The following ADD3 variants were observed in gnomAD, a reference collection of about 807,000 sequenced individuals.
ADD3 encodes gamma-adducin.
Under a neutral mutation model 80.2 loss-of-function variants are expected in ADD3, and 25 were observed. The observed-to-expected ratio is 0.31, with a 90% CI of 0.23 to 0.44. The LOEUF (loss-of-function observed/expected upper bound fraction) is 0.44, where lower values mean the gene tolerates loss of function less well. Among genes scored for constraint, ADD3 ranks in the 20% least tolerant of loss-of-function variants. ADD3 has a pLI of 1.00. For synonymous variants in ADD3, 284 were observed against 289.6 expected, an observed-to-expected ratio of 0.98 and a Z score of 0.20; for missense variants, 829 against 847.5, an observed-to-expected ratio of 0.98 and a Z score of 0.27.
intron 1 of ADD3, among the ~76,000 whole-genome samples, chr10:110,059,490 C>T (rs552825709): frequency 2.7e-5 from 4 of 150,150 alleles, no homozygotes; most frequent in East Asian, 2.0e-4. Flanking sequence ...ATAAATAGGC[C>T]GGGTGCAGGT....
At chr10:110,130,205 T>G (rs1328441656) in intron 12 of ADD3, among the ~76,000 whole-genome samples, 158 bp from the exon 13 acceptor site, 1 of 152,202 alleles carries the variant, frequency 6.6e-6, no homozygotes, top group African/African-American at 2.4e-5. Flanking sequence ...TACAAGAGCA[T>G]TTTAAACAAA....
chr10:110,029,914 G>C (rs11194960), intron 1 of ADD3, among the ~76,000 whole-genome samples: 4 of 151,994 alleles, frequency 2.6e-5, no homozygotes, highest in East Asian at 3.9e-4. Flanking sequence ...GCCCAGACTC[G>C]TACTTTATTT....
At chr10:110,036,701 A>G (rs1855708147) in intron 1 of ADD3, among the ~76,000 whole-genome samples, 1 of 152,064 alleles carries the variant, frequency 6.6e-6, no homozygotes, top group Admixed American at 6.6e-5. Flanking sequence ...ATCACATTTC[A>G]ATATCTAAGT....
chr10:110,112,809 A>G lies in ADD3; in HGVS notation c.228A>G (p.Gln76=), dbSNP rs537446217. The G allele has an allele frequency of 1.5e-5, 24 of 1,614,146 alleles. No individual in the cohort carries two copies. The East Asian group carries it at 5.1e-4, about 34-fold the overall frequency. Residue 76 remains glutamine (Q), a synonymous_variant, in exon 3 of 15, where the codon CAA becomes CAG. Coordinates refer to ENST00000356080, the MANE Select transcript of ADD3 (RefSeq NM_016824.5). The stretch of plus-strand genomic sequence containing the variant: ...GGGAAGACTTGGAATGCCTTATTCA[A>G]GAACAGATGAAGAAAGGCCACAACC... ...AFREDLECLI[Q]EQMKKGHNPT...
At chr10:110,108,627 A>T (rs954051918) in intron 2 of ADD3, among the ~76,000 whole-genome samples, 17 of 152,164 alleles carry the variant, frequency 1.1e-4, no homozygotes, top group African/African-American at 3.6e-4. Flanking sequence ...TGATAAATTT[A>T]AAAAATCAGC....
At chr10:110,123,756 T>C in intron 9 of ADD3, 1 of 428,922 alleles carries the variant, frequency 2.3e-6, no homozygotes, top group Non-Finnish European at 4.3e-6. Flanking sequence ...GGTCAGCAAC[T>C]TAGAACTGTT....
At chr10:110,061,670 C>T (rs1858907047) in intron 1 of ADD3, among the ~76,000 whole-genome samples, 1 of 152,088 alleles carries the variant, frequency 6.6e-6, no homozygotes, top group Non-Finnish European at 1.5e-5. Flanking sequence ...TTTTGTATTG[C>T]TGTATTATCT....
chr10:110,118,764 A>G (rs763065953), intron 6 of ADD3, 28 bp downstream of exon 6: 1 of 1,603,950 alleles, frequency 6.2e-7, no homozygotes, highest in Non-Finnish European at 8.5e-7. Context: ...CAAAACTGAC[A>G]GGACGCTGGA....
At chr10:110,061,406 A>G (rs1158319187) in intron 1 of ADD3, among the ~76,000 whole-genome samples, 1 of 152,148 alleles carries the variant, frequency 6.6e-6, no homozygotes, top group Non-Finnish European at 1.5e-5. Flanking sequence ...ATGCTAATTG[A>G]TGTTGAAAGT....
chr10:110,098,473 G>A (rs1369100756), intron 1 of ADD3, among the ~76,000 whole-genome samples: 1 of 152,168 alleles, frequency 6.6e-6, no homozygotes, highest in African/African-American at 2.4e-5. Flanking sequence ...TTTCTGCAGT[G>A]CTGACATTGA....
chr10:110,047,819 T>TG (rs1415874007), intron 1 of ADD3, among the ~76,000 whole-genome samples: 1 of 152,230 alleles, frequency 6.6e-6, no homozygotes, highest in Non-Finnish European at 1.5e-5. Context: ...CAGAATATCT[T>TG]GGGAGTGTCT....
intron 1 of ADD3, among the ~76,000 whole-genome samples, chr10:110,077,286 C>T (rs1309132890): frequency 1.3e-5 from 2 of 151,318 alleles, no homozygotes; most frequent in East Asian, 3.8e-4. Flanking sequence ...TTTTAGTTCA[C>T]TTGTCTGCTT....
chr10:110,080,019 A>G (rs1845890590), intron 1 of ADD3, among the ~76,000 whole-genome samples: 1 of 152,196 alleles, frequency 6.6e-6, no homozygotes, highest in African/African-American at 2.4e-5. Flanking sequence ...TAGAACCCAG[A>G]ACTGGGGTAC....
intron 10 of ADD3, among the ~76,000 whole-genome samples, chr10:110,124,927 TG>T (rs1264359138): frequency 2.0e-5 from 3 of 152,198 alleles, no homozygotes; most frequent in African/African-American, 7.2e-5. Flanking sequence ...GAGAATTTTT[TG>T]TGATTTTGTT....
chr10:110,071,464 T>C (rs577723577), intron 1 of ADD3, among the ~76,000 whole-genome samples: 4 of 152,378 alleles, frequency 2.6e-5, no homozygotes, highest in African/African-American at 9.6e-5. Flanking sequence ...AAATTGCATG[T>C]GTCATGAATA....
At chr10:110,035,948 C>T (rs1022290872) in intron 1 of ADD3, among the ~76,000 whole-genome samples, 2 of 152,012 alleles carry the variant, frequency 1.3e-5, no homozygotes, top group Admixed American at 1.3e-4. Context: ...GTCAGGAGTT[C>T]GAGACCAGCC....
At chr10:110,075,377 T>A (rs1590001236) in intron 1 of ADD3, among the ~76,000 whole-genome samples, 1 of 152,110 alleles carries the variant, frequency 6.6e-6, no homozygotes, top group African/African-American at 2.4e-5. Context: ...TACTGGCAAG[T>A]CCCAAGAAAA....
At chr10:110,003,302 G>GGTGT (rs1554893815), upstream of ADD3, among the ~76,000 whole-genome samples, 67 of 147,028 alleles carry the variant, frequency 4.6e-4, no homozygotes, top group Middle Eastern at 6.9e-3. Flanking sequence ...GAACAGTAAG[G>GGTGT]GTGTGTGTGT....
intron 1 of ADD3, among the ~76,000 whole-genome samples, chr10:110,039,700 G>A (rs1856065656): frequency 6.6e-6 from 1 of 152,220 alleles, no homozygotes; most frequent in South Asian, 2.1e-4. Context: ...TCCAAGAGCA[G>A]CTTTGCTGGG....
Sources: allele counts gnomAD v4.1 joint callset (sites outside exome capture counted in the v4.1 genomes callset), GRCh38; gene constraint gnomAD v4.1.1; transcripts MANE v1.5; gene names NCBI Gene and HGNC (gene_info 2026-07-23, HGNC 2026-07-21).